Variants in AGL observed in about 807,000 individuals in gnomAD.
AGL encodes glycogen debranching enzyme.
A neutral mutation model predicts 199.3 loss-of-function variants in AGL; 128 were observed. That is an observed-to-expected ratio of 0.64 (90% CI 0.56 to 0.74). The LOEUF (loss-of-function observed/expected upper bound fraction) is 0.74, where lower values mean the gene tolerates loss of function less well. Among genes scored for constraint, AGL ranks in the 30% least tolerant of loss-of-function variants. AGL has a pLI of 0.00. For synonymous variants in AGL, 584 were observed against 594.7 expected, an observed-to-expected ratio of 0.98 and a Z score of 0.26; for missense variants, 1,809 against 1,820.8, an observed-to-expected ratio of 0.99 and a Z score of 0.12.
At chr1:99,892,161 A>T (rs1652947309) in intron 23 of AGL, among the ~76,000 whole-genome samples, 2 of 152,118 alleles carry the variant, frequency 1.3e-5, no homozygotes, top group African/African-American at 4.8e-5. Context: ...TACTCGTGAG[A>T]GCCACCAAAT....
intron 27 of AGL, among the ~76,000 whole-genome samples, chr1:99,903,014 T>C (rs1469050846): frequency 6.6e-6 from 1 of 152,254 alleles, no homozygotes; most frequent in African/African-American, 2.4e-5. Context: ...TGGTTTCATT[T>C]ATAACTATAA....
chr1:99,902,326 G>C (rs1397146175), intron 26 of AGL, among the ~76,000 whole-genome samples: 1 of 152,114 alleles, frequency 6.6e-6, no homozygotes, highest in East Asian at 1.9e-4. Flanking sequence ...ATGCAGATGA[G>C]TAAAAATAGC....
chr1:99,857,020 G>T (rs1649538683), intron 2 of AGL, among the ~76,000 whole-genome samples: 1 of 151,382 alleles, frequency 6.6e-6, no homozygotes, highest in South Asian at 2.1e-4. Context: ...GGGCGGCCAG[G>T]CAGAGGCGCC....
intron 27 of AGL, among the ~76,000 whole-genome samples, chr1:99,907,686 G>GTTTTTTTTTTTTTTTTTTTTTTTTTTTTT (rs1238445536): frequency 1.7e-5 from 1 of 59,846 alleles, no homozygotes; most frequent in African/African-American, 5.7e-5. Context: ...GTTTGTTTTT[G>GTTTTTTTTTTTTTTTTTTTTTTTTTTTTT]TTTTTTGTTT....
At chr1:99,901,804 G>C (rs1336859238) in intron 26 of AGL, among the ~76,000 whole-genome samples, 2 of 151,842 alleles carry the variant, frequency 1.3e-5, no homozygotes, top group Non-Finnish European at 2.9e-5. Flanking sequence ...GCTACTCCAG[G>C]GTTAGCATAT....
intron 20 of AGL, among the ~76,000 whole-genome samples, chr1:99,887,358 A>T (rs1412301246): frequency 1.3e-5 from 2 of 152,190 alleles, no homozygotes; most frequent in Non-Finnish European, 2.9e-5. Context: ...AGTTATCAGG[A>T]GGCATCTTAA....
At chr1:99,909,661 GA>G (rs1279157915) in intron 27 of AGL, among the ~76,000 whole-genome samples, 2 of 149,412 alleles carry the variant, frequency 1.3e-5, no homozygotes, top group African/African-American at 2.5e-5. Flanking sequence ...TTTAAAAAAA[GA>G]AAAAAAAAAC....
At chr1:99,899,842 G>C (rs570815623) in intron 25 of AGL, among the ~76,000 whole-genome samples, 1 of 151,204 alleles carries the variant, frequency 6.6e-6, no homozygotes, top group Non-Finnish European at 1.5e-5. Context: ...GGATGGTCTC[G>C]ATCTCCTGAC....
In AGL at chr1:99,900,687, T is replaced by C. The variant is rs1653756704; in HGVS notation, c.3414T>C (p.Asn1138=). Residue 1138 remains asparagine, a synonymous_variant, in exon 26 of 34, where the codon AAT becomes AAC. Coordinates refer to ENST00000361915, the MANE Select transcript of AGL (RefSeq NM_000642.3). ...CCCTGAGGCATGGTCTCATTCCTAA[T>C]CTACTGGGTGAAGGAATTTATGCCA... ...AGTLRHGLIP[N]LLGEGIYARY... 1 of 1,614,046 alleles carries C rather than the reference T, an allele frequency of 6.2e-7. No homozygotes were observed. Among genetic ancestry groups the C allele is most frequent in the South Asian group, 1.1e-5 (1 of 91,086 alleles).
intron 7 of AGL, among the ~76,000 whole-genome samples, chr1:99,873,427 A>AGTGTTCTT (rs1323317262): frequency 2.7e-5 from 4 of 147,396 alleles, no homozygotes; most frequent in Non-Finnish European, 6.0e-5. Flanking sequence ...ATTTCTTGGC[A>AGTGTTCTT]GTGTTCTTTT....
chr1:99,898,110 A>C (rs1025290831), intron 25 of AGL, among the ~76,000 whole-genome samples: 4 of 149,804 alleles, frequency 2.7e-5, no homozygotes, highest in Non-Finnish European at 5.9e-5. Flanking sequence ...GCAGTGGCGC[A>C]ATCTCCGCTC....
chr1:99,860,134 AT>A (rs1209020186), intron 2 of AGL, among the ~76,000 whole-genome samples: 1 of 152,140 alleles, frequency 6.6e-6, no homozygotes, highest in Non-Finnish European at 1.5e-5. Context: ...TAGAGAAGAA[AT>A]TCTTAGTTTC....
chr1:99,870,346 A>T (rs1409135855), intron 5 of AGL, 54 bp from the exon 6 acceptor site: 1 of 1,536,738 alleles, frequency 6.5e-7, no homozygotes, highest in African/African-American at 1.4e-5. Context: ...CTTAACATAG[A>T]TACAGTTTCA....
intron 21 of AGL, among the ~76,000 whole-genome samples, chr1:99,890,892 A>G (rs527295667): frequency 3.3e-5 from 5 of 152,256 alleles, no homozygotes; most frequent in Admixed American, 6.5e-5. Flanking sequence ...TGGGCAGGGA[A>G]GCCATGCCAG....
At chr1:99,849,544 T>A (rs1250090462), upstream of AGL, among the ~76,000 whole-genome samples, 1 of 152,086 alleles carries the variant, frequency 6.6e-6, no homozygotes, top group African/African-American at 2.4e-5. Flanking sequence ...CGGACACCGT[T>A]AAGTATCAGT....
intron 2 of AGL, among the ~76,000 whole-genome samples, chr1:99,859,132 G>A (rs990698673): frequency 6.6e-6 from 1 of 152,118 alleles, no homozygotes; most frequent in Non-Finnish European, 1.5e-5. Context: ...AATCTCTGCT[G>A]TTTGTACTTG....
At chr1:99,868,813 T>C (rs931988690) in intron 5 of AGL, among the ~76,000 whole-genome samples, 28 of 146,794 alleles carry the variant, frequency 1.9e-4, no homozygotes, top group African/African-American at 6.5e-4. Context: ...GAGAGCAGCA[T>C]TGGTATTTAC....
chr1:99,899,542 T>TTC (rs1199683129), intron 25 of AGL, among the ~76,000 whole-genome samples: 37 of 75,706 alleles, frequency 4.9e-4, no homozygotes, highest in African/African-American at 1.7e-3. Context: ...CTCTCTCTCT[T>TTC]TCTCTCTCTC....
intron 25 of AGL, among the ~76,000 whole-genome samples, chr1:99,898,575 A>G (rs1653528744): frequency 3.3e-5 from 5 of 152,116 alleles, no homozygotes; most frequent in Admixed American, 3.3e-4. Flanking sequence ...TAAAATCTTA[A>G]TGGCTTTTCA....
Sources: allele counts gnomAD v4.1 joint callset (sites outside exome capture counted in the v4.1 genomes callset), GRCh38; gene constraint gnomAD v4.1.1; transcripts MANE v1.5; gene names NCBI Gene and HGNC (gene_info 2026-07-23, HGNC 2026-07-21).